RMDN2: variants seen among roughly 807,000 people sequenced by gnomAD.
RMDN2 encodes the protein regulator of microtubule dynamics protein 2.
A neutral mutation model predicts 52.8 loss-of-function variants in RMDN2; 61 were observed. That is an observed-to-expected ratio of 1.16 (90% confidence interval 0.94 to 1.43). The LOEUF (loss-of-function observed/expected upper bound fraction) is 1.43, where lower values mean the gene tolerates loss of function less well. Ranked by LOEUF, RMDN2 falls within the 40% of genes most tolerant of loss-of-function variation. RMDN2 has a pLI of 0.00. For synonymous variants in RMDN2, 180 were observed against 153.1 expected (o/e 1.18, Z -1.30); for missense variants, 592 against 475.3 (o/e 1.25, Z -2.28).
intron 7 of RMDN2, among the ~76,000 whole-genome samples, chr2:37,992,708 C>CA (rs775570504): frequency 1.8e-4 from 27 of 151,558 alleles, no homozygotes; most frequent in South Asian, 4.2e-4. Context: ...AGAAAAAGTA[C>CA]AAAAAAAACA....
In RMDN2 at chr2:37,943,853, T is replaced by C. The variant is rs137945309; in HGVS notation, c.452+14124T>C. Among the ~76,000 whole-genome samples, 1,053 of 152,284 alleles carry C rather than the reference T, an allele frequency of 6.9e-3. 8 individuals are homozygous for C. The highest frequency in any genetic ancestry group is 0.024 in the African/African-American group (997 of 41,536). On this transcript the variant is annotated intron_variant, in intron 2 of 10. Transcript: ENST00000354545. ...TTTTTTTTCACCCTGACTTTATAAT[T>C]TTTAGTACACAATATTTCTACTCCC...
intron 8 of RMDN2, chr2:37,998,141 A>G (rs1675825000): frequency 1.3e-5 from 2 of 152,206 alleles, no homozygotes; most frequent in Admixed American, 6.5e-5. Flanking sequence ...TGTGGGGGTA[A>G]TAATCCCTTT....
intron 5 of RMDN2, among the ~76,000 whole-genome samples, chr2:37,988,146 C>T (rs1385615615): frequency 1.3e-5 from 2 of 152,184 alleles, no homozygotes; most frequent in Non-Finnish European, 2.9e-5. Flanking sequence ...CTCAGTTTTG[C>T]TGAGAACCTA....
intron 10 of RMDN2, among the ~76,000 whole-genome samples, chr2:38,053,334 A>G (rs1681708331): frequency 6.6e-6 from 1 of 152,140 alleles, no homozygotes; most frequent in African/African-American, 2.4e-5. Flanking sequence ...TATTTTCAGT[A>G]TTATTGGTTA....
intron 10 of RMDN2, chr2:38,029,628 A>AT (rs1680034567): frequency 6.7e-6 from 1 of 149,978 alleles, no homozygotes; most frequent in Non-Finnish European, 1.5e-5. Context: ...AAAAAAAAAA[A>AT]CTGAAAGTAA....
chr2:38,022,121 A>T (rs1295036976), downstream of RMDN2, among the ~76,000 whole-genome samples: 2 of 152,224 alleles, frequency 1.3e-5, no homozygotes, highest in Admixed American at 1.3e-4. Flanking sequence ...ATCTAGTCTT[A>T]GTTACTCACA....
intron 8 of RMDN2, among the ~76,000 whole-genome samples, chr2:37,999,463 C>G (rs556495292): frequency 6.6e-6 from 1 of 152,148 alleles, no homozygotes; most frequent in Non-Finnish European, 1.5e-5. Context: ...TCTTGGGGAG[C>G]CCCGCATTAG....
intron 2 of RMDN2, chr2:37,950,350 G>A: frequency 1.6e-5 from 19 of 1,185,098 alleles, no homozygotes; most frequent in Non-Finnish European, 2.3e-5. Flanking sequence ...CCACAGCCAT[G>A]TGAATTCCAA....
chr2:37,975,117 C>T (rs189830422), intron 3 of RMDN2, 95 bp from the exon 4 acceptor site: 2 of 727,110 alleles, frequency 2.8e-6, no homozygotes, highest in East Asian at 2.6e-5. Context: ...ACCAGTTTAC[C>T]TGCCTAAGTT....
At chr2:38,054,723 C>T (rs1681783930) in intron 10 of RMDN2, among the ~76,000 whole-genome samples, 1 of 152,162 alleles carries the variant, frequency 6.6e-6, no homozygotes, top group Non-Finnish European at 1.5e-5. Flanking sequence ...TCTCTCTTCT[C>T]TACCATCTTT....
At chr2:38,036,994 T>G (rs1050201251) in intron 10 of RMDN2, among the ~76,000 whole-genome samples, 1 of 152,074 alleles carries the variant, frequency 6.6e-6, no homozygotes, top group Non-Finnish European at 1.5e-5. Flanking sequence ...CATGGGAAAA[T>G]GTGCTGCTTT....
chr2:37,929,334 A>T lies in RMDN2; in HGVS notation c.57A>T (p.Gly19=), dbSNP rs2124885503. Residue 19 remains glycine (G), a synonymous_variant, in exon 2 of 11, where the codon GGA becomes GGT. Coordinates refer to ENST00000354545, the MANE Select transcript of RMDN2 (RefSeq NM_001170791.3). ...LILGIMVGTA[G]ISLLLLWYHK... ...TTGGCATCATGGTGGGCACTGCTGG[A>T]ATCAGCTTGCTGCTCTTGTGGTACC... The T allele has an allele frequency of 6.4e-7, 1 of 1,551,976 alleles. No individual in the cohort carries two copies. Among genetic ancestry groups the T allele is most frequent in the East Asian group, 2.4e-5 (1 of 40,906 alleles).
chr2:37,950,106 C>T (rs370977970), intron 2 of RMDN2: 9 of 175,588 alleles, frequency 5.1e-5, no homozygotes, highest in East Asian at 4.4e-4. Flanking sequence ...TTTGCTTTTC[C>T]GTATCACTGA....
chr2:38,013,878 C>T (rs1045751141), intron 10 of RMDN2, among the ~76,000 whole-genome samples: 10 of 152,248 alleles, frequency 6.6e-5, no homozygotes, highest in South Asian at 2.1e-4. Flanking sequence ...CTGTGCTATC[C>T]GTGCCTGGAG....
intron 10 of RMDN2, among the ~76,000 whole-genome samples, chr2:38,031,116 A>G (rs1241750791): frequency 6.6e-6 from 1 of 152,188 alleles, no homozygotes; most frequent in Non-Finnish European, 1.5e-5. Context: ...TGGGCCTTGG[A>G]TAGGAAGTTT....
chr2:37,989,272 G>C (rs1471856574), intron 5 of RMDN2, among the ~76,000 whole-genome samples: 1 of 151,974 alleles, frequency 6.6e-6, no homozygotes, highest in Non-Finnish European at 1.5e-5. Flanking sequence ...TTATGTCCTG[G>C]TCACTGTTCT....
downstream of RMDN2, among the ~76,000 whole-genome samples, chr2:38,022,328 C>T (rs1030898168): frequency 4.6e-5 from 7 of 152,142 alleles, no homozygotes; most frequent in Non-Finnish European, 1.0e-4. Context: ...CAAAGTGAGC[C>T]ATGGGGAATC....
At chr2:38,000,499 A>G (rs1676170292) in intron 8 of RMDN2, among the ~76,000 whole-genome samples, 1 of 152,148 alleles carries the variant, frequency 6.6e-6, no homozygotes, top group Non-Finnish European at 1.5e-5. Flanking sequence ...CTTTGCTGTC[A>G]ATTTCCCCCA....
chr2:37,970,775 CATAAAG>C (rs1671706898), intron 2 of RMDN2, among the ~76,000 whole-genome samples: 1 of 152,078 alleles, frequency 6.6e-6, no homozygotes, highest in Non-Finnish European at 1.5e-5. Context: ...TAAAGAATAA[CATAAAG>C]ATAATAGCTT....
Sources: gnomAD v4.1 joint callset for allele counts (sites outside exome capture counted in the v4.1 genomes callset) on GRCh38, gnomAD v4.1.1 for gene constraint, MANE v1.5 for transcripts, NCBI Gene and HGNC (gene_info 2026-07-23, HGNC 2026-07-21) for gene names.